HEATR4: variants seen among roughly 807,000 people sequenced by gnomAD.
HEATR4 encodes the protein HEAT repeat containing 4, also known as HEAT repeat-containing protein 4.
In HEATR4, 95 loss-of-function variants were observed where a neutral mutation model predicts 108.8. The ratio of observed to expected loss-of-function variants is 0.87; its 90% CI spans 0.74 to 1.04. The LOEUF (loss-of-function observed/expected upper bound fraction) is 1.04, where lower values mean the gene tolerates loss of function less well. Among genes scored for constraint, HEATR4 ranks in the 50% least tolerant of loss-of-function variants. The pLI is 0.00. For missense variants in HEATR4, 1,152 were observed against 1,253.8 expected (o/e 0.92, Z 1.23); for synonymous variants, 443 against 459.4 (o/e 0.96, Z 0.46).
intron 2 of HEATR4, among the ~76,000 whole-genome samples, chr14:73,528,067 A>C (rs1888452148): frequency 6.6e-6 from 1 of 152,030 alleles, no homozygotes. Flanking sequence ...AACATCCCAG[A>C]AAGAATACCA....
chr14:73,577,164 TCAAA>T, the HEATR4 span, among the ~76,000 whole-genome samples: 1 of 151,820 alleles, frequency 6.6e-6, no homozygotes, highest in African/African-American at 2.4e-5. Flanking sequence ...ATTACCGAGC[TCAAA>T]CAATCCTCCT....
chr14:73,564,610 A>AAAAC, the HEATR4 span, among the ~76,000 whole-genome samples: 156 of 152,094 alleles, frequency 1.0e-3, 1 homozygote, highest in East Asian at 0.027. Context: ...CCCGTCTTAA[A>AAAAC]AAACAAACAA....
At chr14:73,569,311 C>G in the HEATR4 span, 1 of 1,613,970 alleles carries the variant, frequency 6.2e-7, no homozygotes. Context: ...ATGGCCTCAT[C>G]TCCTGCTGTC....
At position 73,553,894 on chromosome 14, in the gene HEATR4, C is replaced by T. The variant is rs770903525; in HGVS notation, c.-152+4857G>A. 1.7e-5 allele frequency among the ~76,000 whole-genome samples: 2 copies of T among 115,644 alleles called. 1 individual carries two copies. The highest frequency in any genetic ancestry group is 5.6e-5 in the African/African-American group (2 of 35,878). The allele number at this position is 115,644 out of a possible 152,430, so 75.9% of individuals were successfully genotyped here. ...CACCTGTGCTAAAGTTTCACCCAACCTAAACTGAAGTGTTACCTGGCCTTC... is the reference window on the plus strand; with the variant it reads ...CACCTGTGCTAAAGTTTCACCCAACTTAAACTGAAGTGTTACCTGGCCTTC... On this transcript the variant is annotated intron_variant, in intron 1 of 17. Transcript: ENST00000553558.
At chr14:73,585,200 A>T in the HEATR4 span, among the ~76,000 whole-genome samples, 21 of 151,924 alleles carry the variant, frequency 1.4e-4, no homozygotes, top group Non-Finnish European at 7.4e-5. Context: ...CGACCTGGCC[A>T]CCTTGTCTCG....
chr14:73,479,728 C>G (rs1313083280), intron 17 of HEATR4, among the ~76,000 whole-genome samples: 1 of 152,128 alleles, frequency 6.6e-6, no homozygotes, highest in Middle Eastern at 3.2e-3. Flanking sequence ...CCGCTCCCGG[C>G]CACGCCCAGC....
Position 73,522,826 on chromosome 14 carries a change from C to G in HEATR4, c.327G>C (p.Arg109Ser). The G allele has an allele frequency of 6.2e-7, 1 of 1,614,170 alleles. No homozygotes were observed. Among genetic ancestry groups the G allele is most frequent in the Non-Finnish European group, 8.5e-7 (1 of 1,180,028 alleles). The change falls in exon 3 of 18, where the codon AGG (arginine) becomes AGC (serine). Residue 109 changes from arginine (R) to serine (S), a missense_variant. By Grantham distance (110) the Arg-to-Ser change is moderately radical. Transcript: ENST00000553558. Reference sequence around the variant, plus strand: ...TAACAGGTTTCTGAGGCCGGGCCTTCCTGATCTGGGGAGTATGGATGATGT... The same window carrying G: ...TAACAGGTTTCTGAGGCCGGGCCTTGCTGATCTGGGGAGTATGGATGATGT... ...TNDIIHTPQI[R>S]KARPQKPVSF...
At chr14:73,623,546 G>GT in the HEATR4 span, among the ~76,000 whole-genome samples, 1 of 152,202 alleles carries the variant, frequency 6.6e-6, no homozygotes, top group South Asian at 2.1e-4. Context: ...AATTAACCAG[G>GT]TATGGTAATG....
At chr14:73,482,832 T>G (rs1473955423) in intron 17 of HEATR4, among the ~76,000 whole-genome samples, 1 of 152,172 alleles carries the variant, frequency 6.6e-6, no homozygotes, top group Non-Finnish European at 1.5e-5. Context: ...TTAGTTTTTG[T>G]ATTTTTAGTA....
At chr14:73,508,385 C>G (rs543840146) in intron 8 of HEATR4, 91 bp from the exon 9 acceptor site, 13 of 1,018,170 alleles carry the variant, frequency 1.3e-5, no homozygotes, top group Non-Finnish European at 1.8e-5. Flanking sequence ...GCTGCTACCC[C>G]ACCTGATATC....
chr14:73,615,453 G>A, the HEATR4 span, among the ~76,000 whole-genome samples: 1 of 146,572 alleles, frequency 6.8e-6, no homozygotes, highest in African/African-American at 2.6e-5. Context: ...AAACAAGACT[G>A]GGCGCAGTGG....
At chr14:73,518,413 A>T (rs1887761019) in intron 5 of HEATR4, among the ~76,000 whole-genome samples, 1 of 141,888 alleles carries the variant, frequency 7.0e-6, no homozygotes, top group Non-Finnish European at 1.5e-5. Flanking sequence ...CCAAAAAAAG[A>T]AAAAAAAAAA....
In HEATR4 at chr14:73,521,007, A is replaced by G. The variant is rs759751452; in HGVS notation, c.914T>C (p.Val305Ala). 3.1e-6 allele frequency: 5 copies of G among 1,613,554 alleles called. No individual in the cohort carries two copies. The highest frequency in any genetic ancestry group is 4.2e-6 in the Non-Finnish European group (5 of 1,179,980). Residue 305 changes from valine to alanine, a missense_variant, in exon 4 of 18, where the codon GTT (valine) becomes GCT (alanine). Transcript: ENST00000553558. ...GCTCTTGTTGCCAGGCATGATCTCAACTGTCTCTGCTTGTTGGAAGTAACT... is the reference window on the plus strand; with the variant it reads ...GCTCTTGTTGCCAGGCATGATCTCAGCTGTCTCTGCTTGTTGGAAGTAACT... ...LPSYFQQAET[V>A]EIMPGNKSTE... is the part of the protein sequence containing the mutation.
In HEATR4 at chr14:73,511,120, C is replaced by G. The variant is rs530259724; in HGVS notation, c.1558+886G>C. 9.9e-5 allele frequency among the ~76,000 whole-genome samples: 15 copies of G among 152,230 alleles called. 1 individual carries two copies. The South Asian group carries it at 3.1e-3, about 32-fold the overall frequency. ...TAGGAAGGGGAAAGGTTTGTTATCC[C>G]TTTGTCTACCACTAGTCTCATTTTA... On this transcript the variant is annotated intron_variant, in intron 7 of 17. Transcript: ENST00000553558.
At chr14:73,510,805 T>G (rs1162665963) in intron 7 of HEATR4, among the ~76,000 whole-genome samples, 1 of 152,196 alleles carries the variant, frequency 6.6e-6, no homozygotes, top group Non-Finnish European at 1.5e-5. Flanking sequence ...AGCATGTTGT[T>G]TATTCACTGG....
chr14:73,562,764 G>A (rs1337698937), upstream of HEATR4, among the ~76,000 whole-genome samples: 1 of 152,006 alleles, frequency 6.6e-6, no homozygotes, highest in Non-Finnish European at 1.5e-5. Flanking sequence ...GCTTACTAGG[G>A]TTGGGAAAAC....
chr14:73,562,018 G>C (rs192485226), upstream of HEATR4, among the ~76,000 whole-genome samples: 311 of 152,122 alleles, frequency 2.0e-3, 3 homozygotes, highest in African/African-American at 7.2e-3. Flanking sequence ...TAAATATATG[G>C]ATGAGCCTTG....
chr14:73,576,809 A>AG, the HEATR4 span, among the ~76,000 whole-genome samples: 1 of 148,428 alleles, frequency 6.7e-6, no homozygotes, highest in Non-Finnish European at 1.5e-5. Flanking sequence ...AAAAAAAAAA[A>AG]AAAAAAAAAA....
rs117397160 is a variant in HEATR4 at position 73,512,706 on chromosome 14, G to A, written c.1415-557C>T. Among the ~76,000 whole-genome samples, 295 of 152,138 alleles carry A rather than the reference G, an allele frequency of 1.9e-3. 9 individuals carry two copies. The East Asian group carries it at 0.049, about 25-fold the overall frequency. ...TTTCATTAGGTTCTTTGTCTTTGAGGGCACTTCCATTTGGCTTTCAACATC... is the reference window on the plus strand; with the variant it reads ...TTTCATTAGGTTCTTTGTCTTTGAGAGCACTTCCATTTGGCTTTCAACATC... On this transcript the variant is annotated intron_variant, in intron 6 of 17. Coordinates refer to ENST00000553558, the MANE Select transcript of HEATR4 (RefSeq NM_001220484.1).
Sources: allele counts gnomAD v4.1 joint callset (sites outside exome capture counted in the v4.1 genomes callset), GRCh38; gene constraint gnomAD v4.1.1; transcripts MANE v1.5; gene names NCBI Gene and HGNC (gene_info 2026-07-23, HGNC 2026-07-21).